Variants in GRK7 observed in about 807,000 individuals in gnomAD.
GRK7 encodes the protein rhodopsin kinase GRK7.
In GRK7, 24 loss-of-function variants were observed where a neutral mutation model predicts 34.1. That is an observed-to-expected ratio of 0.70 (90% CI 0.51 to 0.99). GRK7 has a LOEUF of 0.99. Among genes scored for constraint, GRK7 ranks in the 50% least tolerant of loss-of-function variants. GRK7 has a pLI of 0.00. For missense variants in GRK7, 644 were observed against 707.3 expected (o/e 0.91, Z 1.02); for synonymous variants, 256 against 279.4 (o/e 0.92, Z 0.84).
chr3:141,763,374 G>A (rs1157026732), upstream of GRK7, among the ~76,000 whole-genome samples: 2 of 152,184 alleles, frequency 1.3e-5, no homozygotes, highest in African/African-American at 4.8e-5. Flanking sequence ...TGAATGCAAA[G>A]TGAAAGGAGC....
chr3:141,786,581 C>T (rs1034457028), intron 4 of GRK7, among the ~76,000 whole-genome samples: 6 of 151,928 alleles, frequency 3.9e-5, no homozygotes, highest in East Asian at 1.9e-4. Flanking sequence ...ATCAAGACCA[C>T]GCTGGCTAAC....
intron 4 of GRK7, among the ~76,000 whole-genome samples, chr3:141,794,530 G>C (rs1021775541): frequency 2.3e-4 from 35 of 152,244 alleles, no homozygotes; most frequent in Admixed American, 6.5e-5. Context: ...ACGGAACCTG[G>C]CATTATGGGC....
At position 141,780,379 on chromosome 3, in the gene GRK7, T is replaced by TGCC; in HGVS notation, c.620_622dup (p.Ala207dup). The TGCC allele has an allele frequency of 6.2e-7, 1 of 1,613,876 alleles. No individual in the cohort carries two copies. Among genetic ancestry groups the TGCC allele is most frequent in the Non-Finnish European group, 8.5e-7 (1 of 1,179,832 alleles). On this transcript the variant is annotated inframe_insertion, in exon 4 of 6. Transcript: ENST00000682958. Reference sequence around the variant, plus strand: ...TCTTTTCTTTCTCCTTTAAGGTATGTGCCGTCCAGGTGAAAAACACTGGGA... The same window carrying TGCC: ...TCTTTTCTTTCTCCTTTAAGGTATGTGCCGCCGTCCAGGTGAAAAACACTGGGA...
chr3:141,781,827 G>A (rs2681697), intron 4 of GRK7, among the ~76,000 whole-genome samples: 23,439 of 152,170 alleles, frequency 0.15, 1,830 homozygotes, highest in Non-Finnish European at 0.17. Flanking sequence ...GGTGAACGAC[G>A]GAAAATCTCT....
intron 4 of GRK7, among the ~76,000 whole-genome samples, chr3:141,791,952 C>T (rs1002333090): frequency 2.0e-5 from 3 of 147,470 alleles, no homozygotes; most frequent in East Asian, 2.0e-4. Flanking sequence ...TGTAGTGAGC[C>T]GAAATCATGC....
rs114941930 is a variant in GRK7 at position 141,806,739 on chromosome 3, G to A, written c.1051-906G>A. On this transcript the variant is annotated intron_variant, in intron 4 of 5. Transcript: ENST00000682958. ...GGTGGTTGCCTGGCGTTGAGGGGAGGAAGAATGGCAAGTTGTTTAATGAGT... is the reference window on the plus strand; with the variant it reads ...GGTGGTTGCCTGGCGTTGAGGGGAGAAAGAATGGCAAGTTGTTTAATGAGT... Among the ~76,000 whole-genome samples, 479 of 152,090 alleles carry A rather than the reference G, an allele frequency of 3.1e-3. 1 individual carries two copies. The highest frequency in any genetic ancestry group is 7.7e-3 in the Admixed American group (117 of 15,266).
intron 4 of GRK7, among the ~76,000 whole-genome samples, chr3:141,788,059 T>G (rs2084705201): frequency 6.6e-6 from 1 of 152,144 alleles, no homozygotes; most frequent in Non-Finnish European, 1.5e-5. Context: ...TAATACCTAC[T>G]GCCTATTTTA....
chr3:141,796,974 A>G (rs1421408700), intron 4 of GRK7, among the ~76,000 whole-genome samples: 2 of 152,162 alleles, frequency 1.3e-5, no homozygotes, highest in African/African-American at 4.8e-5. Context: ...TCTTCGTCAC[A>G]GTCCCATAAG....
At chr3:141,812,199 C>T (rs1247633717) in intron 5 of GRK7, among the ~76,000 whole-genome samples, 8 of 152,110 alleles carry the variant, frequency 5.3e-5, no homozygotes, top group Admixed American at 4.6e-4. Flanking sequence ...TTCCATAGTA[C>T]GAGAGCCTCT....
chr3:141,814,311 G>A (rs2107897580), intron 5 of GRK7, among the ~76,000 whole-genome samples: 1 of 152,262 alleles, frequency 6.6e-6, no homozygotes. Flanking sequence ...GGTTTTGGAT[G>A]CAATTGAATC....
Position 141,790,150 on chromosome 3 carries a change from T to TA in GRK7, c.1050+9339_1050+9340insA, listed in dbSNP as rs113079462. 4.6e-5 allele frequency among the ~76,000 whole-genome samples: 7 copies of TA among 152,254 alleles called. 1 individual carries two copies. The highest frequency in any genetic ancestry group is 1.7e-4 in the African/African-American group (7 of 41,558). Reference sequence around the variant, plus strand: ...CCGTGTAGCTGGGATTACAAGCGCATGCTACCACGCCCAGCTAATTTTTTA... The same window carrying TA: ...CCGTGTAGCTGGGATTACAAGCGCATAGCTACCACGCCCAGCTAATTTTTTA... On this transcript the variant is annotated intron_variant, in intron 4 of 5. Transcript: ENST00000682958.
chr3:141,780,686 G>C lies in GRK7; in HGVS notation c.925G>C (p.Glu309Gln), dbSNP rs55824414. The C allele has an allele frequency of 5.1e-3, 8,219 of 1,614,196 alleles. 25 individuals carry two copies. The highest frequency in any genetic ancestry group is 6.2e-3 in the Non-Finnish European group (7,316 of 1,180,032). The change falls in exon 4 of 6, where the codon GAA becomes CAA. Residue 309 changes from glutamate to glutamine, a missense_variant. Physicochemically the swap from Glu to Gln is conservative, Grantham distance 29. Coordinates refer to ENST00000682958, the MANE Select transcript of GRK7 (RefSeq NM_139209.3). The stretch of plus-strand genomic sequence containing the variant: ...AGCCTGTGGGATGCTGCACCTCCAT[G>C]AACTCGGCATCGTCTATCGGGACAT... ...QIACGMLHLHELGIVYRDMKP... is the reference protein window; with the variant it reads ...QIACGMLHLHQLGIVYRDMKP...
At chr3:141,814,014 C>A (rs1286656965) in intron 5 of GRK7, among the ~76,000 whole-genome samples, 1 of 152,114 alleles carries the variant, frequency 6.6e-6, no homozygotes, top group Non-Finnish European at 1.5e-5. Flanking sequence ...TTGCCTTAGT[C>A]GTCTTGCTGG....
the GRK7 span, among the ~76,000 whole-genome samples, chr3:141,756,592 G>A: frequency 6.6e-6 from 1 of 152,084 alleles, no homozygotes; most frequent in Non-Finnish European, 1.5e-5. Context: ...ATGATTACCT[G>A]AAAGTATACA....
intron 3 of GRK7, among the ~76,000 whole-genome samples, chr3:141,779,423 A>AAAAAG (rs1553735436): frequency 5.7e-4 from 86 of 150,626 alleles, no homozygotes; most frequent in African/African-American, 2.0e-3. Flanking sequence ...AAAAAAAAAA[A>AAAAAG]AAAGAAAGAA....
At chr3:141,761,567 CT>C (rs1442712368), upstream of GRK7, among the ~76,000 whole-genome samples, 3 of 52,410 alleles carry the variant, frequency 5.7e-5, no homozygotes, top group African/African-American at 3.1e-4. Context: ...TTCATTTCAA[CT>C]TTGGTGAATC....
At chr3:141,788,962 G>C (rs1012517455) in intron 4 of GRK7, among the ~76,000 whole-genome samples, 1 of 152,072 alleles carries the variant, frequency 6.6e-6, no homozygotes, top group Non-Finnish European at 1.5e-5. Flanking sequence ...TGAGGTTCAA[G>C]CGCCACCATG....
chr3:141,762,639 C>T (rs1159538657), upstream of GRK7, among the ~76,000 whole-genome samples: 3 of 151,526 alleles, frequency 2.0e-5, no homozygotes, highest in Admixed American at 6.6e-5. Flanking sequence ...GTGGTGGGCT[C>T]CACCCAGTTG....
At chr3:141,812,521 G>A (rs1467620618) in intron 5 of GRK7, among the ~76,000 whole-genome samples, 1 of 152,220 alleles carries the variant, frequency 6.6e-6, no homozygotes, top group Non-Finnish European at 1.5e-5. Flanking sequence ...GTCTTCACTG[G>A]TAGCAGCAGC....
Sources: gnomAD v4.1 joint callset for allele counts (sites outside exome capture counted in the v4.1 genomes callset) on GRCh38, gnomAD v4.1.1 for gene constraint, MANE v1.5 for transcripts, NCBI Gene and HGNC (gene_info 2026-07-23, HGNC 2026-07-21) for gene names.